DOK5: variants seen among roughly 807,000 people sequenced by gnomAD.
DOK5 encodes the protein downstream of tyrosine kinase 5.
DOK5 carries 27 observed loss-of-function variants against 43.3 expected under a neutral mutation model. The observed-to-expected ratio is 0.62, with a 90% CI of 0.46 to 0.86. The LOEUF (loss-of-function observed/expected upper bound fraction) is 0.86. Among genes scored for constraint, DOK5 ranks in the 40% least tolerant of loss-of-function variants. DOK5 has a pLI of 0.00. For synonymous variants in DOK5, 146 were observed against 140.1 expected (o/e 1.04, Z -0.30); for missense variants, 373 against 392.9 (o/e 0.95, Z 0.43).
At chr20:54,549,473 T>A (rs1311703529) in intron 1 of DOK5, among the ~76,000 whole-genome samples, 1 of 152,248 alleles carries the variant, frequency 6.6e-6, no homozygotes, top group Non-Finnish European at 1.5e-5. Flanking sequence ...TTTCCTTATC[T>A]TCTAATGAAC....
At chr20:54,539,035 C>A (rs1236633656) in intron 1 of DOK5, among the ~76,000 whole-genome samples, 5 of 152,160 alleles carry the variant, frequency 3.3e-5, no homozygotes, top group African/African-American at 9.7e-5. Flanking sequence ...GCAATCCCAG[C>A]ACTTTGGGAG....
At chr20:54,547,680 A>G (rs1040509719) in intron 1 of DOK5, among the ~76,000 whole-genome samples, 16 of 152,338 alleles carry the variant, frequency 1.1e-4, no homozygotes, top group African/African-American at 3.8e-4. Flanking sequence ...GATTGGTGAC[A>G]ATTTAAGGCT....
At chr20:54,492,928 G>A (rs1021603941) in intron 1 of DOK5, among the ~76,000 whole-genome samples, 5 of 151,614 alleles carry the variant, frequency 3.3e-5, no homozygotes, top group Admixed American at 6.6e-5. Context: ...GGTGGCGGGC[G>A]CCTGTAATCC....
At chr20:54,573,925 C>A (rs1486657007) in intron 2 of DOK5, among the ~76,000 whole-genome samples, 1 of 152,008 alleles carries the variant, frequency 6.6e-6, no homozygotes, top group Non-Finnish European at 1.5e-5. Context: ...GAACTCAGAG[C>A]GTGTGGGAAG....
At position 54,479,387 on chromosome 20, in the gene DOK5, G is replaced by A. The variant is rs544796415; in HGVS notation, c.66+3375G>A. Among the ~76,000 whole-genome samples, 61 of 152,248 alleles carry A rather than the reference G, an allele frequency of 4.0e-4. No homozygotes were observed. The South Asian group carries it at 0.013, about 32-fold the overall frequency. On this transcript the variant is annotated intron_variant, in intron 1 of 7. Transcript: ENST00000262593. ...CGACGTTACTATTTGAGGGGCTGGGGGAAGGAGGGGAGCAGCTGTCCATAA... is the reference window on the plus strand; with the variant it reads ...CGACGTTACTATTTGAGGGGCTGGGAGAAGGAGGGGAGCAGCTGTCCATAA...
intron 6 of DOK5, among the ~76,000 whole-genome samples, chr20:54,625,316 C>T (rs1214410734): frequency 6.6e-6 from 1 of 152,142 alleles, no homozygotes. Flanking sequence ...CAGTGGGGGT[C>T]CAAGGGCCTC....
intron 6 of DOK5, among the ~76,000 whole-genome samples, chr20:54,641,304 C>T (rs6014099): frequency 0.46 from 70,278 of 151,874 alleles, 17,714 homozygotes; most frequent in Middle Eastern, 0.67. Context: ...TCAATGCATA[C>T]AAATTAAATT....
At chr20:54,618,069 G>C (rs898455110) in intron 6 of DOK5, among the ~76,000 whole-genome samples, 1 of 152,120 alleles carries the variant, frequency 6.6e-6, no homozygotes, top group Non-Finnish European at 1.5e-5. Context: ...AGACACTTGA[G>C]GCCTATGCTC....
intron 2 of DOK5, among the ~76,000 whole-genome samples, chr20:54,557,042 C>CA: frequency 6.6e-6 from 1 of 152,294 alleles, no homozygotes. Flanking sequence ...GCTGTATGCT[C>CA]AAAATGTATG....
intron 1 of DOK5, among the ~76,000 whole-genome samples, chr20:54,484,724 T>A (rs1981861146): frequency 1.3e-5 from 2 of 152,208 alleles, no homozygotes; most frequent in Non-Finnish European, 1.5e-5. Flanking sequence ...GAATATTATG[T>A]AAATGGAGTC....
rs763674242 is a variant in DOK5, at chr20:54,542,099, T to TACACACAGACACACACAC, written c.67-12827_67-12826insGACACACACACACACACA. On this transcript the variant is annotated intron_variant, in intron 1 of 7. Coordinates refer to ENST00000262593, the MANE Select transcript of DOK5 (RefSeq NM_018431.5). ...TCACACCATGAGACATATTATAAGATACACACACACACACACACACACACA... is the reference window on the plus strand; with the variant it reads ...TCACACCATGAGACATATTATAAGATACACACAGACACACACACACACACACACACACACACACACACA... Among the ~76,000 whole-genome samples, 31 of 121,982 alleles carry TACACACAGACACACACAC rather than the reference T, an allele frequency of 2.5e-4. 1 individual carries two copies. Among genetic ancestry groups the TACACACAGACACACACAC allele is most frequent in the African/African-American group, 9.4e-4 (26 of 27,686 alleles). The allele number at this position is 121,982 out of a possible 152,430, so 80.0% of individuals were successfully genotyped here. A position where few individuals can be genotyped will look rare whatever the true frequency, so the allele number is the denominator to read the frequency against.
chr20:54,603,244 C>CA (rs1249413411), intron 5 of DOK5, among the ~76,000 whole-genome samples: 2 of 152,170 alleles, frequency 1.3e-5, no homozygotes, highest in African/African-American at 4.8e-5. Context: ...CTCACCCTAC[C>CA]AGTCATAGAA....
intron 2 of DOK5, among the ~76,000 whole-genome samples, chr20:54,572,823 G>A (rs2146749666): frequency 6.6e-6 from 1 of 152,212 alleles, no homozygotes; most frequent in South Asian, 2.1e-4. Flanking sequence ...TCTGCCACTA[G>A]TTGGGAATGG....
chr20:54,638,752 C>CTTTTTT (rs11476340), intron 6 of DOK5, among the ~76,000 whole-genome samples: 64 of 98,516 alleles, frequency 6.5e-4, no homozygotes, highest in Non-Finnish European at 1.0e-3. Context: ...CTTTTCTTTT[C>CTTTTTT]TTTTTTTTTT....
chr20:54,513,766 A>C (rs180997721), intron 1 of DOK5, among the ~76,000 whole-genome samples: 2 of 152,370 alleles, frequency 1.3e-5, no homozygotes, highest in East Asian at 3.9e-4. Context: ...ATAGGGTAAA[A>C]AAGAAAACAC....
At chr20:54,559,747 C>T (rs1403647617) in intron 2 of DOK5, among the ~76,000 whole-genome samples, 1 of 152,096 alleles carries the variant, frequency 6.6e-6, no homozygotes, top group Admixed American at 6.6e-5. Context: ...AAATTTAATT[C>T]TAGGGAACAC....
chr20:54,530,975 C>T (rs989797280), intron 1 of DOK5, among the ~76,000 whole-genome samples: 2 of 152,150 alleles, frequency 1.3e-5, no homozygotes, highest in African/African-American at 2.4e-5. Flanking sequence ...GTTGCCCTTC[C>T]ATGGAGACTG....
intron 6 of DOK5, among the ~76,000 whole-genome samples, chr20:54,638,335 A>C (rs923670054): frequency 6.6e-6 from 1 of 152,130 alleles, no homozygotes; most frequent in African/African-American, 2.4e-5. Context: ...ATTTAACCAC[A>C]TAAGTAATGG....
intron 1 of DOK5, among the ~76,000 whole-genome samples, chr20:54,498,861 C>G (rs1265109645): frequency 2.0e-5 from 3 of 152,140 alleles, no homozygotes; most frequent in Non-Finnish European, 2.9e-5. Flanking sequence ...ATCTAACTGT[C>G]ATTTAAGGGC....
Sources: gnomAD v4.1 joint callset for allele counts (sites outside exome capture counted in the v4.1 genomes callset) on GRCh38, gnomAD v4.1.1 for gene constraint, MANE v1.5 for transcripts, NCBI Gene and HGNC (gene_info 2026-07-23, HGNC 2026-07-21) for gene names.